Variants in NRXN3 observed in about 807,000 individuals in gnomAD.
NRXN3 encodes neurexin III.
Under a neutral mutation model 137.6 loss-of-function variants are expected in NRXN3, and 32 were observed. That is an observed-to-expected ratio of 0.23 (90% CI 0.18 to 0.31). The LOEUF (loss-of-function observed/expected upper bound fraction) is 0.31, where lower values mean the gene tolerates loss of function less well. Among genes scored for constraint, NRXN3 ranks in the 10% least tolerant of loss-of-function variants. NRXN3 has a pLI of 1.00. For synonymous variants in NRXN3, 798 were observed against 784.5 expected (o/e 1.02, Z -0.29); for missense variants, 1,574 against 2,062.5 (o/e 0.76, Z 4.59).
chr14:79,075,058 A>G (rs2152730425), intron 15 of NRXN3, among the ~76,000 whole-genome samples: 1 of 152,322 alleles, frequency 6.6e-6, no homozygotes, highest in South Asian at 2.1e-4. Context: ...TTTTAATTTT[A>G]TAAGCTATTA....
chr14:78,746,349 C>T (rs2152938708), intron 8 of NRXN3, among the ~76,000 whole-genome samples: 1 of 152,316 alleles, frequency 6.6e-6, no homozygotes, highest in African/African-American at 2.4e-5. Flanking sequence ...GCTCTAAGAA[C>T]ACACAGAGAC....
chr14:78,869,417 A>G (rs2099095918), intron 10 of NRXN3, among the ~76,000 whole-genome samples: 1 of 151,716 alleles, frequency 6.6e-6, no homozygotes, highest in Admixed American at 6.6e-5. Flanking sequence ...CACATCTCCC[A>G]CTTGCTTGAA....
At chr14:79,524,673 T>C (rs1299148774) in intron 16 of NRXN3, among the ~76,000 whole-genome samples, 3 of 152,338 alleles carry the variant, frequency 2.0e-5, no homozygotes, top group Admixed American at 2.0e-4. Flanking sequence ...AGTTTTTCCC[T>C]TGGCCTTCCA....
At chr14:78,914,454 T>A (rs1484724226) in intron 10 of NRXN3, among the ~76,000 whole-genome samples, 1 of 152,124 alleles carries the variant, frequency 6.6e-6, no homozygotes, top group African/African-American at 2.4e-5. Context: ...GGATAGGGTA[T>A]GTCAGGGTGA....
intron 15 of NRXN3, among the ~76,000 whole-genome samples, chr14:79,248,404 C>T (rs1007214022): frequency 3.3e-5 from 5 of 152,154 alleles, no homozygotes; most frequent in Non-Finnish European, 7.3e-5. Context: ...TAGCTGTTCT[C>T]TCTTCCCTGT....
At chr14:79,724,820 T>C (rs2098872677) in intron 19 of NRXN3, among the ~76,000 whole-genome samples, 1 of 152,118 alleles carries the variant, frequency 6.6e-6, no homozygotes, top group Non-Finnish European at 1.5e-5. Context: ...CATAAGTGTA[T>C]TGGGGACACT....
intron 15 of NRXN3, among the ~76,000 whole-genome samples, chr14:79,440,212 T>C (rs1260232392): frequency 6.6e-6 from 1 of 152,232 alleles, no homozygotes; most frequent in African/African-American, 2.4e-5. Context: ...GTGTAATGGT[T>C]AAGAGCCTTT....
At chr14:78,297,707 GTCAC>G (rs2076485511) in intron 3 of NRXN3, 120 bp from the exon 4 acceptor site, 1 of 756,124 alleles carries the variant, frequency 1.3e-6, no homozygotes, top group East Asian at 2.7e-5. Flanking sequence ...TGCGGCCCCT[GTCAC>G]TCCTTTTTCC....
chr14:78,282,031 C>T (rs532455180), intron 3 of NRXN3: 14 of 430,732 alleles, frequency 3.3e-5, no homozygotes, highest in Admixed American at 2.2e-4. Context: ...TGCAGGGTTC[C>T]AAGACATGGT....
chr14:78,936,090 A>G lies in NRXN3; in HGVS notation c.2276-21152A>G, dbSNP rs76843226. 6.2e-3 allele frequency among the ~76,000 whole-genome samples: 939 copies of G among 152,292 alleles called. 14 individuals carry two copies. The highest frequency in any genetic ancestry group is 0.021 in the African/African-American group (879 of 41,554). On this transcript the variant is annotated intron_variant, in intron 10 of 20. Transcript: ENST00000335750. ...ATCATTGCTTACAGGACAATGTCCAATTCCTTAGCATTACATGCAGTCCAT... is the reference window on the plus strand; with the variant it reads ...ATCATTGCTTACAGGACAATGTCCAGTTCCTTAGCATTACATGCAGTCCAT...
intron 15 of NRXN3, among the ~76,000 whole-genome samples, chr14:79,223,620 G>A (rs1232410999): frequency 6.6e-6 from 1 of 152,094 alleles, no homozygotes; most frequent in African/African-American, 2.4e-5. Flanking sequence ...GTGGTCTGAT[G>A]GTGATCCTGA....
At chr14:78,915,366 A>AAC (rs2099252293) in intron 10 of NRXN3, among the ~76,000 whole-genome samples, 2 of 148,366 alleles carry the variant, frequency 1.3e-5, no homozygotes, top group Non-Finnish European at 3.0e-5. Flanking sequence ...AAAAAAAAAA[A>AAC]AAAAAACCAC....
intron 15 of NRXN3, among the ~76,000 whole-genome samples, chr14:79,388,008 C>T (rs1171080505): frequency 1.3e-5 from 2 of 150,840 alleles, no homozygotes; most frequent in African/African-American, 4.9e-5. Context: ...ATGTAAATGA[C>T]GAGTTAATGG....
At chr14:78,268,650 C>T (rs181886586) in intron 2 of NRXN3, among the ~76,000 whole-genome samples, 44 of 152,232 alleles carry the variant, frequency 2.9e-4, no homozygotes, top group Admixed American at 2.1e-3. Flanking sequence ...TCAGAGAAAT[C>T]GGAGTTCACA....
intron 16 of NRXN3, among the ~76,000 whole-genome samples, chr14:79,491,656 T>TGG (rs2153657674): frequency 6.7e-6 from 1 of 150,066 alleles, no homozygotes; most frequent in Non-Finnish European, 1.5e-5. Context: ...AATAAAAAAG[T>TGG]GTGTGTGTGT....
In NRXN3 at chr14:79,104,335, G is replaced by A. The variant is rs529394663; in HGVS notation, c.3262+116194G>A. Among the ~76,000 whole-genome samples, 7 of 152,220 alleles carry A rather than the reference G, an allele frequency of 4.6e-5. No individual in the cohort carries two copies. The South Asian group carries it at 6.2e-4, about 14-fold the overall frequency. On this transcript the variant is annotated intron_variant, in intron 15 of 20. Coordinates refer to ENST00000335750, the MANE Select transcript of NRXN3 (RefSeq NM_001330195.2). ...GGCACACATGAATGAATTCATAGAC[G>A]AATGGATGAATGAGTTAATGAGGCT...
At chr14:79,205,114 G>T (rs2066608817) in intron 15 of NRXN3, among the ~76,000 whole-genome samples, 1 of 152,154 alleles carries the variant, frequency 6.6e-6, no homozygotes, top group Admixed American at 6.6e-5. Flanking sequence ...ATTTGGGGAA[G>T]AGGTATGAGC....
intron 15 of NRXN3, among the ~76,000 whole-genome samples, chr14:79,073,594 G>A (rs1371190366): frequency 6.6e-6 from 1 of 152,172 alleles, no homozygotes; most frequent in Non-Finnish European, 1.5e-5. Flanking sequence ...AAATTGGAAA[G>A]CTCTTTGCAA....
chr14:78,492,806 C>T (rs1328846767), intron 4 of NRXN3, among the ~76,000 whole-genome samples: 4 of 152,122 alleles, frequency 2.6e-5, no homozygotes, highest in African/African-American at 7.2e-5. Context: ...TGGATTCAAG[C>T]TCTGAATAAT....
Sources: allele counts gnomAD v4.1 joint callset (sites outside exome capture counted in the v4.1 genomes callset), GRCh38; gene constraint gnomAD v4.1.1; transcripts MANE v1.5; gene names NCBI Gene and HGNC (gene_info 2026-07-23, HGNC 2026-07-21).